Variants in IL16 observed in about 807,000 individuals in gnomAD.
IL16 encodes pro-interleukin-16.
A neutral mutation model predicts 110.1 loss-of-function variants in IL16; 67 were observed. The observed-to-expected ratio is 0.61, with a 90% CI of 0.50 to 0.75. The LOEUF is 0.75. Among genes scored for constraint, IL16 ranks in the 30% least tolerant of loss-of-function variants. The probability of loss-of-function intolerance (pLI) is 0.00; values close to 1 mark genes in which losing one functional copy is unlikely to be tolerated. For synonymous variants in IL16, 689 were observed against 662.9 expected (o/e 1.04, Z -0.61); for missense variants, 1,545 against 1,655.0 (o/e 0.93, Z 1.15).
At chr15:81,291,363 A>G (rs1051273684) in intron 11 of IL16, among the ~76,000 whole-genome samples, 1 of 152,232 alleles carries the variant, frequency 6.6e-6, no homozygotes, top group African/African-American at 2.4e-5. Flanking sequence ...GCTGATAGGA[A>G]CACAGGTGAA....
chr15:81,201,396 AT>A lies in IL16; in HGVS notation c.-102+4248del, dbSNP rs576954614. 1.6e-3 allele frequency among the ~76,000 whole-genome samples: 247 copies of A among 152,176 alleles called. 1 individual carries two copies. The highest frequency in any genetic ancestry group is 2.8e-3 in the Non-Finnish European group (190 of 68,004). ...GACTCCATAATGCTCTATAGCTGTT[AT>A]TTTGCATTTCTTTGAATCTCCTCTC... is the stretch of plus-strand genomic sequence containing the variant. On this transcript the variant is annotated intron_variant, in intron 1 of 18. Transcript: ENST00000683961.
chr15:81,301,612 C>T, intron 15 of IL16, 100 bp downstream of exon 15: 4 of 996,764 alleles, frequency 4.0e-6, no homozygotes, highest in Non-Finnish European at 6.0e-6. Context: ...GTAGCCTGCT[C>T]ACATCAGACC....
chr15:81,217,432 A>AG (rs1896472023), intron 1 of IL16, among the ~76,000 whole-genome samples: 5 of 152,330 alleles, frequency 3.3e-5, no homozygotes, highest in Non-Finnish European at 5.9e-5. Context: ...AACTACCTAA[A>AG]GGGGATGCCA....
chr15:81,205,623 T>C (rs1895988496), intron 1 of IL16, among the ~76,000 whole-genome samples: 1 of 151,716 alleles, frequency 6.6e-6, no homozygotes, highest in Non-Finnish European at 1.5e-5. Context: ...AAACAAAACA[T>C]GTGAGAAGAA....
At chr15:81,282,843 A>C in intron 9 of IL16, 87 bp downstream of exon 9, 2 of 1,039,604 alleles carry the variant, frequency 1.9e-6, no homozygotes, top group African/African-American at 1.6e-5. Context: ...TGATTTGGAC[A>C]TGAGCTATAA....
Position 81,235,702 on chromosome 15 carries a change from G to A in IL16, c.312+9991G>A, listed in dbSNP as rs570608133. On this transcript the variant is annotated intron_variant, in intron 2 of 18. Transcript: ENST00000683961. ...CCTGGAACCCCATGTTTTACGACACGGTGGAGCACAGAACTGAATGAGACT... is the reference window on the plus strand; with the variant it reads ...CCTGGAACCCCATGTTTTACGACACAGTGGAGCACAGAACTGAATGAGACT... Among the ~76,000 whole-genome samples the A allele has an allele frequency of 2.0e-5, 3 of 152,254 alleles. 1 individual carries two copies. Among genetic ancestry groups the A allele is most frequent in the South Asian group, 4.2e-4 (2 of 4,814 alleles).
At chr15:81,220,526 G>C (rs188308250) in intron 1 of IL16, among the ~76,000 whole-genome samples, 4 of 152,196 alleles carry the variant, frequency 2.6e-5, no homozygotes, top group Admixed American at 2.0e-4. Context: ...TTCTTTAATT[G>C]ACAAAGACAA....
At chr15:81,275,563 G>C (rs2142270229) in intron 6 of IL16, among the ~76,000 whole-genome samples, 1 of 152,160 alleles carries the variant, frequency 6.6e-6, no homozygotes, top group Middle Eastern at 3.4e-3. Context: ...TGGGGGAAGG[G>C]TTGAAGTGGC....
At chr15:81,222,171 A>C (rs1361421251) in intron 1 of IL16, among the ~76,000 whole-genome samples, 10 of 152,106 alleles carry the variant, frequency 6.6e-5, no homozygotes, top group Admixed American at 5.9e-4. Flanking sequence ...TTGGTGGGAC[A>C]AGAATGCGAG....
intron 1 of IL16, among the ~76,000 whole-genome samples, chr15:81,206,151 A>G (rs1304651210): frequency 1.3e-5 from 2 of 152,240 alleles, no homozygotes; most frequent in Non-Finnish European, 2.9e-5. Context: ...GTGCTTACAT[A>G]TATATGCAGT....
chr15:81,250,606 A>G (rs917827373), intron 2 of IL16, among the ~76,000 whole-genome samples: 2 of 152,180 alleles, frequency 1.3e-5, no homozygotes, highest in African/African-American at 4.8e-5. Flanking sequence ...GTTCCTGCAG[A>G]GAAGATTCAA....
At position 81,282,706 on chromosome 15, in the gene IL16, C is replaced by T. The variant is rs756542837; in HGVS notation, c.1149C>T (p.Phe383=). 106 of 1,614,072 alleles carry T rather than the reference C, an allele frequency of 6.6e-5. No homozygotes were observed. Among genetic ancestry groups the T allele is most frequent in the Admixed American group, 2.5e-4 (15 of 60,016 alleles). Residue 383 remains phenylalanine, a synonymous_variant, in exon 9 of 19, where the codon TTC becomes TTT. Coordinates refer to ENST00000683961, the MANE Select transcript of IL16 (RefSeq NM_172217.5). ...ACTTCCAATGCATCTCTGGCATTTT[C>T]GTCCACACGCTGTCACCAGGATCCG... ...VPYFQCISGI[F]VHTLSPGSVA...
chr15:81,226,383 A>C (rs1241401807), intron 2 of IL16, among the ~76,000 whole-genome samples: 2 of 152,220 alleles, frequency 1.3e-5, no homozygotes, highest in African/African-American at 4.8e-5. Context: ...ATCTAGACCA[A>C]GTAAAATATT....
intron 3 of IL16, among the ~76,000 whole-genome samples, chr15:81,264,340 G>A (rs567681462): frequency 5.3e-5 from 8 of 152,260 alleles, no homozygotes; most frequent in Admixed American, 5.2e-4. Flanking sequence ...TCTGGGCCCC[G>A]ATGGACCAAA....
chr15:81,191,871 G>T (rs1214260696), intron 1 of IL16, among the ~76,000 whole-genome samples: 1 of 152,182 alleles, frequency 6.6e-6, no homozygotes, highest in African/African-American at 2.4e-5. Flanking sequence ...GAGAGGCAGA[G>T]GTGGAAGCTG....
intron 5 of IL16, 38 bp from the exon 6 acceptor site, chr15:81,273,052 T>C: frequency 6.6e-7 from 1 of 1,525,300 alleles, no homozygotes; most frequent in Non-Finnish European, 9.1e-7. Context: ...AAGCATGGAA[T>C]ACTACCCCTA....
Position 81,313,222 on chromosome 15 carries a change from C to A in IL16, c.*4424C>A. On this transcript the variant is annotated 3_prime_UTR_variant, in exon 19 of 19. Transcript: ENST00000683961. ...CAACAGCTGGAGCTCCTCGATGAGT[C>A]ACGGGAGTTCTTTGCCAAGAAGTAA... 2 of 1,504,804 alleles carry A rather than the reference C, an allele frequency of 1.3e-6. No individual in the cohort carries two copies. Among genetic ancestry groups the A allele is most frequent in the South Asian group, 2.7e-5 (2 of 74,522 alleles). The allele number at this position is 1,504,804 out of a possible 1,614,324, so 93.2% of individuals were successfully genotyped here.
At position 81,308,993 on chromosome 15, in the gene IL16, T is replaced by C. The variant is rs1900716179; in HGVS notation, c.*195T>C. On this transcript the variant is annotated 3_prime_UTR_variant, in exon 19 of 19. Transcript: ENST00000683961. ...GGTTGTTCCTAAAATAAGGGCAGAG[T>C]CACACGGGGGCAGCTGATACAAATT... is the stretch of plus-strand genomic sequence containing the variant. The C allele has an allele frequency of 2.0e-6, 1 of 506,324 alleles. No individual in the cohort carries two copies. The highest frequency in any genetic ancestry group is 3.5e-6 in the Non-Finnish European group (1 of 286,676). 31.4% of individuals were successfully genotyped at this position (506,324 alleles called of 1,614,324 possible). A position where few individuals can be genotyped will look rare whatever the true frequency, so the allele number is the denominator to read the frequency against.
Position 81,269,632 on chromosome 15 carries a change from T to A in IL16, c.659T>A (p.Met220Lys). The A allele has an allele frequency of 6.2e-6, 10 of 1,613,182 alleles. No homozygotes were observed. The highest frequency in any genetic ancestry group is 1.7e-4 in the Middle Eastern group (1 of 5,942). ...TCAGTCATCTCCAACATCGTGCTGATGAAGGGCCAGGCTAAGGTGAGAAGG... is the reference window on the plus strand; with the variant it reads ...TCAGTCATCTCCAACATCGTGCTGAAGAAGGGCCAGGCTAAGGTGAGAAGG... ...QASVISNIVL[M>K]KGQAKGLGFS... Residue 220 changes from methionine to lysine, a missense_variant, in exon 5 of 19, where the codon ATG becomes AAG. Met to Lys is a moderately conservative substitution (Grantham distance 95). Coordinates refer to ENST00000683961, the MANE Select transcript of IL16 (RefSeq NM_172217.5).
Sources: allele counts gnomAD v4.1 joint callset (sites outside exome capture counted in the v4.1 genomes callset), GRCh38; gene constraint gnomAD v4.1.1; transcripts MANE v1.5; gene names NCBI Gene and HGNC (gene_info 2026-07-23, HGNC 2026-07-21).